The following KIAA1549L variants were observed in gnomAD, a reference collection of about 807,000 sequenced individuals.
The protein encoded by KIAA1549L is UPF0606 protein KIAA1549L.
In KIAA1549L, 88 loss-of-function variants were observed where a neutral mutation model predicts 160.7. The ratio of observed to expected loss-of-function variants is 0.55; its 90% CI spans 0.46 to 0.65. KIAA1549L has a LOEUF of 0.65. KIAA1549L is among the 30% of genes least tolerant of loss of function. The pLI, the probability that KIAA1549L is intolerant of heterozygous loss-of-function variation, is 0.00. For synonymous variants in KIAA1549L, 950 were observed against 976.7 expected (o/e 0.97, Z 0.51); for missense variants, 2,258 against 2,437.5 (o/e 0.93, Z 1.55).
chr11:33,611,114 A>G (rs1850636957), intron 15 of KIAA1549L, among the ~76,000 whole-genome samples: 1 of 152,246 alleles, frequency 6.6e-6, no homozygotes, highest in South Asian at 2.1e-4. Flanking sequence ...TTTCACATGC[A>G]CGGTCAAAGG....
chr11:33,597,475 A>G (rs1850232196), intron 12 of KIAA1549L, among the ~76,000 whole-genome samples: 1 of 152,198 alleles, frequency 6.6e-6, no homozygotes, highest in African/African-American at 2.4e-5. Flanking sequence ...GATCAAGTGC[A>G]TTTATTCCAG....
chr11:33,490,225 C>T (rs1442697530), intron 1 of KIAA1549L, among the ~76,000 whole-genome samples: 3 of 152,066 alleles, frequency 2.0e-5, no homozygotes, highest in African/African-American at 7.2e-5. Context: ...CAGTTGAGAA[C>T]ACTGGGGAGA....
intron 3 of KIAA1549L, among the ~76,000 whole-genome samples, chr11:33,547,446 A>G (rs373008695): frequency 2.6e-4 from 39 of 152,268 alleles, no homozygotes; most frequent in African/African-American, 8.4e-4. Context: ...CTGTCCATGA[A>G]TGTTGTTGCA....
At chr11:33,561,072 G>A (rs1854842309) in intron 7 of KIAA1549L, among the ~76,000 whole-genome samples, 1 of 152,136 alleles carries the variant, frequency 6.6e-6, no homozygotes, top group Admixed American at 6.5e-5. Flanking sequence ...ACTCCAGTAG[G>A]CCCCATACTT....
chr11:33,590,508 T>G (rs1223617288), intron 11 of KIAA1549L, among the ~76,000 whole-genome samples: 2 of 152,242 alleles, frequency 1.3e-5, no homozygotes, highest in African/African-American at 4.8e-5. Context: ...CAGAGCTGCC[T>G]TATGCACTTG....
At chr11:33,654,596 G>A (rs1205522768) in intron 17 of KIAA1549L, among the ~76,000 whole-genome samples, 3 of 152,204 alleles carry the variant, frequency 2.0e-5, no homozygotes, top group Admixed American at 2.0e-4. Flanking sequence ...GGAGGTGAGT[G>A]CCTCAGGTTC....
intron 6 of KIAA1549L, among the ~76,000 whole-genome samples, chr11:33,552,913 G>A (rs55866155): frequency 0.018 from 2,705 of 152,218 alleles, 79 homozygotes; most frequent in African/African-American, 0.062. Context: ...CCATACTCAC[G>A]TCAATGCAGT....
At chr11:33,435,386 G>A (rs1169167256) in intron 1 of KIAA1549L, among the ~76,000 whole-genome samples, 1 of 152,110 alleles carries the variant, frequency 6.6e-6, no homozygotes, top group Non-Finnish European at 1.5e-5. Context: ...GAGAAAGCAA[G>A]TGGGGCTATA....
At chr11:33,666,057 T>TA (rs1852439705) in intron 20 of KIAA1549L, among the ~76,000 whole-genome samples, 1 of 152,038 alleles carries the variant, frequency 6.6e-6, no homozygotes, top group African/African-American at 2.4e-5. Context: ...GGGGTGGTTG[T>TA]AGCAGTACCC....
chr11:33,623,768 C>A (rs369026911), intron 16 of KIAA1549L, among the ~76,000 whole-genome samples: 2 of 152,186 alleles, frequency 1.3e-5, no homozygotes, highest in East Asian at 3.8e-4. Context: ...GGCCTAGTGA[C>A]CTCCTTCAGA....
Position 33,551,136 on chromosome 11 carries a change from G to A in KIAA1549L, c.3598G>A (p.Gly1200Ser). The change falls in exon 5 of 21, where the codon GGT (glycine) becomes AGT (serine). Residue 1200 changes from glycine to serine, a missense_variant. Physicochemically the swap from Gly to Ser is moderately conservative, Grantham distance 56. Transcript: ENST00000658780. The part of the protein sequence containing the change: ...YLPAVVIEML[G>S]VYGVSNVTAD... The stretch of plus-strand genomic sequence containing the variant: ...GCCTGCTGTGGTGATCGAAATGCTG[G>A]GTGTGTATGGAGTCAGCAACGTCAC... 1 of 1,613,902 alleles carries A rather than the reference G, an allele frequency of 6.2e-7. No individual in the cohort carries two copies. The highest frequency in any genetic ancestry group is 8.5e-7 in the Non-Finnish European group (1 of 1,179,840).
chr11:33,638,433 A>T (rs186212678), intron 16 of KIAA1549L, among the ~76,000 whole-genome samples: 546 of 37,658 alleles, frequency 0.014, 2 homozygotes, highest in Middle Eastern at 0.05. Flanking sequence ...AAAAAAAAAA[A>T]AAATAAATAA....
rs1590322413 is a variant in KIAA1549L at position 33,540,588 on chromosome 11, A to G, written c.239-1214A>G. Among the ~76,000 whole-genome samples, 4 of 152,370 alleles carry G rather than the reference A, an allele frequency of 2.6e-5. No homozygotes were observed. In the East Asian group the frequency reaches 7.7e-4, roughly 29 times the overall value. ...GTGTCTGAGGGGGGAATACCTCCTT[A>G]GGCTGCATGTGGTAACATAGAAACA... is the stretch of plus-strand genomic sequence containing the variant. On this transcript the variant is annotated intron_variant, in intron 1 of 20. Transcript: ENST00000658780.
At chr11:33,604,424 A>G (rs985245873) in intron 13 of KIAA1549L, among the ~76,000 whole-genome samples, 1 of 152,224 alleles carries the variant, frequency 6.6e-6, no homozygotes, top group Admixed American at 6.5e-5. Context: ...AAGTAGATCT[A>G]CTATTTGATC....
At chr11:33,473,476 C>T (rs958838092) in intron 1 of KIAA1549L, among the ~76,000 whole-genome samples, 3 of 152,168 alleles carry the variant, frequency 2.0e-5, no homozygotes, top group African/African-American at 4.8e-5. Context: ...GAGAAAGACA[C>T]GCGTGAAGGC....
intron 17 of KIAA1549L, among the ~76,000 whole-genome samples, chr11:33,654,034 G>A (rs777612584): frequency 1.5e-4 from 23 of 152,116 alleles, no homozygotes; most frequent in African/African-American, 4.6e-4. Flanking sequence ...GTGCAGTGGC[G>A]TGATCTCGGC....
chr11:33,546,000 G>A (rs1854246485), intron 3 of KIAA1549L, among the ~76,000 whole-genome samples: 1 of 152,212 alleles, frequency 6.6e-6, no homozygotes, highest in South Asian at 2.1e-4. Flanking sequence ...GAAAAAGTGG[G>A]ATGGGCAGCA....
At chr11:33,459,996 C>T (rs1021753209) in intron 1 of KIAA1549L, among the ~76,000 whole-genome samples, 2 of 149,416 alleles carry the variant, frequency 1.3e-5, no homozygotes, top group South Asian at 2.2e-4. Flanking sequence ...CTTCATCCCA[C>T]TTGCTCCTTA....
intron 20 of KIAA1549L, among the ~76,000 whole-genome samples, chr11:33,661,490 C>T (rs1432352781): frequency 1.3e-5 from 2 of 152,208 alleles, no homozygotes; most frequent in African/African-American, 2.4e-5. Context: ...TTCAAACCCA[C>T]ACCTGTTTGG....
Sources: allele counts gnomAD v4.1 joint callset (sites outside exome capture counted in the v4.1 genomes callset), GRCh38; gene constraint gnomAD v4.1.1; transcripts MANE v1.5; gene names NCBI Gene and HGNC (gene_info 2026-07-23, HGNC 2026-07-21).